PLA2G4E: variants seen among roughly 807,000 people sequenced by gnomAD.
PLA2G4E encodes the protein phospholipase A2 group IVE.
PLA2G4E carries 84 observed loss-of-function variants against 109.1 expected under a neutral mutation model. The ratio of observed to expected loss-of-function variants is 0.77; its 90% confidence interval spans 0.65 to 0.92. The LOEUF (loss-of-function observed/expected upper bound fraction) is 0.92, where lower values mean the gene tolerates loss of function less well. Ranked by LOEUF, PLA2G4E falls within the 40% of genes least tolerant of loss-of-function variation. The pLI, the probability that PLA2G4E is intolerant of heterozygous loss-of-function variation, is 0.00. For missense variants in PLA2G4E, 1,057 were observed against 1,076.6 expected (o/e 0.98, Z 0.25); for synonymous variants, 469 against 436.1 (o/e 1.08, Z -0.94).
chr15:41,990,819 C>T (rs1245753280), intron 13 of PLA2G4E, among the ~76,000 whole-genome samples: 1 of 147,206 alleles, frequency 6.8e-6, no homozygotes, highest in Non-Finnish European at 1.5e-5. Context: ...CTCTAATCCC[C>T]AGAGTGGGGA....
chr15:42,023,363 A>G (rs1282756460), intron 1 of PLA2G4E, among the ~76,000 whole-genome samples: 1 of 151,300 alleles, frequency 6.6e-6, no homozygotes, highest in Non-Finnish European at 1.5e-5. Flanking sequence ...GGTCCAAATA[A>G]TCATGACCCT....
rs1555387036 is a variant in PLA2G4E, at chr15:42,010,142, C to CCCG, written c.257-2280_257-2278dup. On this transcript the variant is annotated intron_variant, in intron 2 of 19. Coordinates refer to ENST00000399518, the Ensembl canonical transcript of PLA2G4E. ...TTTTCCAGAACACTGGCCCCCCCAC[C>CCCG]CCGGGCCTGGACCACACCCTTCAGG... The CCCG allele has an allele frequency of 1.4e-3, 622 of 457,708 alleles. 13 individuals are homozygous for CCCG. The highest frequency in any genetic ancestry group is 4.6e-3 in the South Asian group (241 of 52,328). 28.4% of individuals were successfully genotyped at this position (457,708 alleles called of 1,614,324 possible).
chr15:42,002,287 A>AAAAT (rs1555386330), intron 6 of PLA2G4E, among the ~76,000 whole-genome samples: 1 of 140,816 alleles, frequency 7.1e-6, no homozygotes, highest in African/African-American at 2.8e-5. Flanking sequence ...AAAAAAAAAA[A>AAAAT]GGTAAACTGT....
chr15:41,989,154 G>A (rs1466402383), intron 15 of PLA2G4E, among the ~76,000 whole-genome samples: 1 of 152,198 alleles, frequency 6.6e-6, no homozygotes, highest in Non-Finnish European at 1.5e-5. Flanking sequence ...GAAGCTAGAC[G>A]GGAGTGGGTG....
exon 18 of PLA2G4E, chr15:41,985,942 T>A: frequency 6.2e-7 from 1 of 1,606,584 alleles, no homozygotes. Flanking sequence ...GAACGCAGTG[T>A]CCAGCAGGCA....
chr15:42,031,189 G>C (rs1270577715), intron 1 of PLA2G4E, among the ~76,000 whole-genome samples: 2 of 152,022 alleles, frequency 1.3e-5, no homozygotes, highest in Admixed American at 1.3e-4. Context: ...CGCTGGTCTT[G>C]AACTTCTGGG....
chr15:42,035,950 A>T (rs1169238853), intron 1 of PLA2G4E, among the ~76,000 whole-genome samples: 1 of 152,154 alleles, frequency 6.6e-6, no homozygotes, highest in Non-Finnish European at 1.5e-5. Flanking sequence ...TTTAAACTTT[A>T]TATAAGCTAG....
chr15:42,002,600 G>C, intron 6 of PLA2G4E, 54 bp downstream of exon 6: 2 of 1,515,928 alleles, frequency 1.3e-6, no homozygotes, highest in East Asian at 2.4e-5. Context: ...GTTCCCCTGA[G>C]AGCAGCAGCC....
intron 1 of PLA2G4E, among the ~76,000 whole-genome samples, chr15:42,025,216 G>GGAAAA (rs537697695): frequency 6.8e-6 from 1 of 148,026 alleles, no homozygotes; most frequent in Non-Finnish European, 1.5e-5. Flanking sequence ...AAAAAAAAAA[G>GGAAAA]GAAAAGAAAA....
At chr15:42,025,556 G>A (rs2068686837) in intron 1 of PLA2G4E, among the ~76,000 whole-genome samples, 1 of 152,040 alleles carries the variant, frequency 6.6e-6, no homozygotes, top group Non-Finnish European at 1.5e-5. Context: ...AAAGGAATGT[G>A]CTTATTAAGG....
At chr15:41,988,958 A>C (rs2068194975) in intron 15 of PLA2G4E, among the ~76,000 whole-genome samples, 2 of 152,182 alleles carry the variant, frequency 1.3e-5, no homozygotes, top group African/African-American at 4.8e-5. Flanking sequence ...GGCGCAGCTA[A>C]GACTCTGAAG....
chr15:42,025,505 G>A (rs1420306834), intron 1 of PLA2G4E, among the ~76,000 whole-genome samples: 2 of 151,904 alleles, frequency 1.3e-5, no homozygotes, highest in East Asian at 3.9e-4. Flanking sequence ...CCCCCCACTG[G>A]AGTCTGCTTT....
intron 13 of PLA2G4E, among the ~76,000 whole-genome samples, chr15:41,990,460 G>A (rs1482873458): frequency 6.6e-6 from 1 of 152,154 alleles, no homozygotes; most frequent in Non-Finnish European, 1.5e-5. Flanking sequence ...GGCCGGGACT[G>A]GATCCGCAGT....
intron 6 of PLA2G4E, among the ~76,000 whole-genome samples, chr15:42,001,816 T>G (rs913455916): frequency 1.3e-5 from 2 of 152,126 alleles, no homozygotes; most frequent in African/African-American, 4.8e-5. Context: ...CTCAGCCTCC[T>G]GAGTAGCTGG....
chr15:41,987,299 T>C (rs2141022209), exon 17 of PLA2G4E: 1 of 1,613,966 alleles, frequency 6.2e-7, no homozygotes, highest in Non-Finnish European at 8.5e-7. Context: ...TGGACAGCCA[T>C]GACCCTGGGA....
chr15:41,995,225 T>C (rs1376749541), intron 12 of PLA2G4E, 135 bp downstream of exon 12: 1 of 1,189,990 alleles, frequency 8.4e-7, no homozygotes, highest in South Asian at 1.5e-5. Context: ...GCCACACCAC[T>C]GCATGTGGGG....
chr15:41,986,095 G>T, intron 17 of PLA2G4E, 90 bp from the exon 18 acceptor site: 1 of 1,399,434 alleles, frequency 7.1e-7, no homozygotes. Context: ...GCCCTGTCTG[G>T]AGCATCCTTC....
At chr15:42,013,831 C>CCCGG in intron 1 of PLA2G4E, 74 bp from the exon 2 acceptor site, 3 of 1,251,052 alleles carry the variant, frequency 2.4e-6, no homozygotes, top group Non-Finnish European at 2.2e-6. Flanking sequence ...GAGACTTTCC[C>CCCGG]GCTATGCCTC....
At chr15:42,015,866 C>T (rs1181209613) in intron 1 of PLA2G4E, among the ~76,000 whole-genome samples, 11 of 152,224 alleles carry the variant, frequency 7.2e-5, no homozygotes, top group Admixed American at 3.3e-4. Context: ...GGCAGCCTCG[C>T]ACGGGTTCTC....
Sources: gnomAD v4.1 joint callset for allele counts (sites outside exome capture counted in the v4.1 genomes callset) on GRCh38, gnomAD v4.1.1 for gene constraint, MANE v1.5 for transcripts, NCBI Gene and HGNC (gene_info 2026-07-23, HGNC 2026-07-21) for gene names.